SLC35D4: variants seen among roughly 807,000 people sequenced by gnomAD.
SLC35D4 encodes UDP-N-acetylglucosamine transporter SLC35D4.
the SLC35D4 span, among the ~76,000 whole-genome samples, chr18:23,437,169 C>T: frequency 1.3e-5 from 2 of 152,226 alleles, no homozygotes; most frequent in Non-Finnish European, 2.9e-5. Context: ...AAAGCTGGCA[C>T]CACTGCTTCT....
chr18:23,304,245 C>T, the SLC35D4 span, among the ~76,000 whole-genome samples: 17 of 146,040 alleles, frequency 1.2e-4, no homozygotes, highest in African/African-American at 4.0e-4. Flanking sequence ...CCACTGCACT[C>T]CAGCCTGGGT....
the SLC35D4 span, among the ~76,000 whole-genome samples, chr18:23,324,482 G>T: frequency 6.6e-6 from 1 of 152,210 alleles, no homozygotes; most frequent in African/African-American, 2.4e-5. Context: ...AAGGAAAAGG[G>T]CTTTGGGTTT....
chr18:23,325,390 G>A, the SLC35D4 span, among the ~76,000 whole-genome samples: 259 of 152,106 alleles, frequency 1.7e-3, 2 homozygotes, highest in South Asian at 0.019. Flanking sequence ...AAACCAAGGA[G>A]AGAAAGGCAG....
chr18:23,275,593 A>AGTGCTGTGCT, the SLC35D4 span, among the ~76,000 whole-genome samples: 941 of 140,678 alleles, frequency 6.7e-3, 6 homozygotes, highest in Middle Eastern at 0.029. Context: ...GGTCAGAAAG[A>AGTGCTGTGCT]GTGCTGTGCT....
the SLC35D4 span, among the ~76,000 whole-genome samples, chr18:23,392,398 T>C: frequency 6.6e-6 from 1 of 152,240 alleles, no homozygotes; most frequent in Admixed American, 6.5e-5. Flanking sequence ...CTGACTTGTA[T>C]GAAATAGACT....
At chr18:23,362,132 G>A in the SLC35D4 span, among the ~76,000 whole-genome samples, 2 of 152,194 alleles carry the variant, frequency 1.3e-5, no homozygotes, top group African/African-American at 4.8e-5. Context: ...TAAAAGTTTA[G>A]CAATAACTCA....
chr18:23,402,878 G>A, the SLC35D4 span, among the ~76,000 whole-genome samples: 1 of 152,036 alleles, frequency 6.6e-6, no homozygotes, highest in Non-Finnish European at 1.5e-5. Context: ...AGGCCGAGAT[G>A]GGCAGATCAC....
the SLC35D4 span, chr18:23,309,656 T>C: frequency 6.2e-7 from 1 of 1,610,988 alleles, no homozygotes; most frequent in Admixed American, 1.7e-5. Flanking sequence ...ATTGGCACTT[T>C]ATCTCTCTAT....
chr18:23,331,884 T>C, the SLC35D4 span, among the ~76,000 whole-genome samples: 1 of 14,224 alleles, frequency 7.0e-5, no homozygotes, highest in Non-Finnish European at 1.3e-4. Context: ...TGAACATGTC[T>C]TTTTTTTTTT....
the SLC35D4 span, among the ~76,000 whole-genome samples, chr18:23,389,732 T>G: frequency 6.6e-6 from 1 of 152,088 alleles, no homozygotes; most frequent in Non-Finnish European, 1.5e-5. Flanking sequence ...AGAGATGAGG[T>G]TTTGCCATGT....
chr18:23,365,604 C>T, the SLC35D4 span: 1 of 1,611,434 alleles, frequency 6.2e-7, no homozygotes, highest in African/African-American at 1.3e-5. Flanking sequence ...GTCAAACAGA[C>T]AAACAAAACA....
the SLC35D4 span, among the ~76,000 whole-genome samples, chr18:23,313,622 TC>T: frequency 6.6e-5 from 10 of 152,138 alleles, no homozygotes; most frequent in African/African-American, 2.4e-4. Context: ...CACCTCCCCA[TC>T]ATTTGCTGAG....
the SLC35D4 span, among the ~76,000 whole-genome samples, chr18:23,244,492 C>A: frequency 6.6e-6 from 1 of 152,246 alleles, no homozygotes; most frequent in African/African-American, 2.4e-5. Flanking sequence ...GATTTACTGT[C>A]CTCTAAGGGA....
the SLC35D4 span, among the ~76,000 whole-genome samples, chr18:23,341,994 A>G: frequency 8.8e-5 from 1 of 11,334 alleles, no homozygotes; most frequent in African/African-American, 8.0e-4. Flanking sequence ...TATACACAGG[A>G]AAAAAAAAAA....
At chr18:23,355,947 T>C in the SLC35D4 span, among the ~76,000 whole-genome samples, 1 of 152,132 alleles carries the variant, frequency 6.6e-6, no homozygotes, top group East Asian at 1.9e-4. Context: ...TCTTTCCACT[T>C]CTTGGCATGA....
chr18:23,271,217 G>A, the SLC35D4 span, among the ~76,000 whole-genome samples: 1 of 152,224 alleles, frequency 6.6e-6, no homozygotes, highest in Admixed American at 6.5e-5. Flanking sequence ...GCCGCCATGT[G>A]AGACATGCCT....
chr18:23,318,546 G>A, the SLC35D4 span, among the ~76,000 whole-genome samples: 16 of 152,038 alleles, frequency 1.1e-4, no homozygotes, highest in South Asian at 4.2e-4. Flanking sequence ...CACTATACAC[G>A]TATCATATAG....
At chr18:23,365,244 C>T in the SLC35D4 span, among the ~76,000 whole-genome samples, 1 of 152,094 alleles carries the variant, frequency 6.6e-6, no homozygotes, top group Non-Finnish European at 1.5e-5. Context: ...GAAGTTATCA[C>T]CAAAAAGGGA....
the SLC35D4 span, chr18:23,368,739 TG>T: frequency 6.9e-7 from 1 of 1,452,060 alleles, no homozygotes. Context: ...TAAGTATTGC[TG>T]GTCAATGTCA....
Sources: allele counts gnomAD v4.1 joint callset (sites outside exome capture counted in the v4.1 genomes callset), GRCh38; gene constraint gnomAD v4.1.1; transcripts MANE v1.5; gene names NCBI Gene and HGNC (gene_info 2026-07-23, HGNC 2026-07-21).